TBATA: variants seen among roughly 807,000 people sequenced by gnomAD.
TBATA encodes protein TBATA.
In TBATA, 47 loss-of-function variants were observed where a neutral mutation model predicts 38.7. The observed-to-expected ratio is 1.21, with a 90% CI of 0.96 to 1.55. The LOEUF is 1.55. Ranked by LOEUF, TBATA falls within the 40% of genes most tolerant of loss-of-function variation. The pLI is 0.00. For missense variants in TBATA, 436 were observed against 435.6 expected, an observed-to-expected ratio of 1.00 and a Z score of -0.01; for synonymous variants, 183 against 170.5, an observed-to-expected ratio of 1.07 and a Z score of -0.57.
rs766190487 is a variant in TBATA, at chr10:70,771,286, C to T, written c.*90G>A. 2 of 1,612,166 alleles carry T rather than the reference C, an allele frequency of 1.2e-6. No individual in the cohort carries two copies. The highest frequency in any genetic ancestry group is 1.7e-6 in the Non-Finnish European group (2 of 1,178,820). ...AGTAAGAGTTTTCACGGTAGGGAAT[C>T]AGGTACTGCTGTGAAGGTGGTGGAG... is the stretch of plus-strand genomic sequence containing the variant. On this transcript the variant is annotated 3_prime_UTR_variant, in exon 11 of 11. Transcript: ENST00000456372.
chr10:70,772,304 A>C, intron 10 of TBATA: 1 of 711,146 alleles, frequency 1.4e-6, no homozygotes, highest in South Asian at 1.5e-5. Flanking sequence ...ACTTGTCTGA[A>C]TTCTTCCTCA....
intron 9 of TBATA, among the ~76,000 whole-genome samples, chr10:70,773,317 T>G (rs1842969338): frequency 6.6e-6 from 1 of 152,146 alleles, no homozygotes; most frequent in Admixed American, 6.5e-5. Flanking sequence ...GTTGTATACC[T>G]TCCTGACTTC....
intron 9 of TBATA, 108 bp downstream of exon 9, chr10:70,774,105 T>A: frequency 7.0e-7 from 1 of 1,438,474 alleles, no homozygotes. Flanking sequence ...AGGACAGACT[T>A]AGTCAGCCCA....
At chr10:70,771,983 C>A (rs1217157006) in intron 10 of TBATA, among the ~76,000 whole-genome samples, 1 of 152,182 alleles carries the variant, frequency 6.6e-6, no homozygotes, top group Non-Finnish European at 1.5e-5. Context: ...GCCAGCTCCT[C>A]CCACCTGTCT....
chr10:70,779,246 C>G (rs953078505), intron 5 of TBATA, among the ~76,000 whole-genome samples: 4 of 152,214 alleles, frequency 2.6e-5, no homozygotes, highest in Non-Finnish European at 4.4e-5. Context: ...TTCTGGTTGG[C>G]CAATGCCTGA....
At position 70,779,609 on chromosome 10, in the gene TBATA, G is replaced by T. The variant is rs1843883084; in HGVS notation, c.411C>A (p.Asn137Lys). The change falls in exon 5 of 11, where the codon AAC becomes AAA. Residue 137 changes from asparagine (N) to lysine (K), a missense_variant. Transcript: ENST00000456372. ...VPIGDPQSNR[N>K]PQLSSEAWKK... Reference sequence around the variant, plus strand: ...AGTACCCACCAGAAGAAAGCTGGGGGTTCCGATTAGACTGTGGGTCTCCAA... The same window carrying T: ...AGTACCCACCAGAAGAAAGCTGGGGTTTCCGATTAGACTGTGGGTCTCCAA... 7 of 1,508,888 alleles carry T rather than the reference G, an allele frequency of 4.6e-6. No homozygotes were observed. In the East Asian group the frequency reaches 1.1e-4, roughly 23 times the overall value. 93.5% of individuals were successfully genotyped at this position (1,508,888 alleles called of 1,614,324 possible). A position where few individuals can be genotyped will look rare whatever the true frequency, so the allele number is the denominator to read the frequency against.
intron 7 of TBATA, among the ~76,000 whole-genome samples, chr10:70,775,891 C>G (rs1158007205): frequency 6.6e-6 from 1 of 152,230 alleles, no homozygotes; most frequent in East Asian, 1.9e-4. Flanking sequence ...TGCTTGGCTC[C>G]TTGCTGCATC....
rs773945036 is a variant in TBATA, at chr10:70,775,300, CAGGAGTACAGGCA to C, written c.694-43_694-31del. The C allele has an allele frequency of 7.0e-5, 111 of 1,591,518 alleles. 1 individual carries two copies. The South Asian group carries it at 1.2e-3, about 17-fold the overall frequency. ...GGGCAGGAGGCCAGCACATTCCAGC[CAGGAGTACAGGCA>C]AGGAGTACAGGCAAATGTAGGTTTG... On this transcript the variant is annotated intron_variant, in intron 7 of 10. Coordinates refer to ENST00000456372, the MANE Select transcript of TBATA (RefSeq NM_001318241.2).
At position 70,772,529 on chromosome 10, in the gene TBATA, T is replaced by C. The variant is rs779596620; in HGVS notation, c.958A>G (p.Lys320Glu). The C allele has an allele frequency of 3.7e-6, 6 of 1,614,164 alleles. No individual in the cohort carries two copies. The South Asian group carries it at 6.6e-5, about 18-fold the overall frequency. The change falls in exon 10 of 11, where the codon AAA becomes GAA. Residue 320 changes from lysine to glutamate, a missense_variant. Transcript: ENST00000456372. ...PKKTKISPFT[K>E]SEKPEYIGEA... ...GGAATCTTACCTGGTTTTTCGCTTT[T>C]TGTAAAAGGTGATATCTTCGTTTTC...
At chr10:70,781,047 C>T (rs1844143282) in intron 4 of TBATA, among the ~76,000 whole-genome samples, 1 of 152,186 alleles carries the variant, frequency 6.6e-6, no homozygotes, top group Non-Finnish European at 1.5e-5. Context: ...AAATGCCTAC[C>T]TGATCTGGGC....
chr10:70,778,376 T>G (rs1000949303), intron 6 of TBATA, among the ~76,000 whole-genome samples, 181 bp downstream of exon 6: 1 of 152,126 alleles, frequency 6.6e-6, no homozygotes, highest in Non-Finnish European at 1.5e-5. Flanking sequence ...CTAAAACCCC[T>G]GCTTGGATTT....
At chr10:70,775,804 G>A (rs1387430745) in intron 7 of TBATA, among the ~76,000 whole-genome samples, 2 of 152,218 alleles carry the variant, frequency 1.3e-5, no homozygotes, top group African/African-American at 2.4e-5. Flanking sequence ...AAGCCCAGAG[G>A]GCAGCCTGAG....
intron 3 of TBATA, 25 bp from the exon 4 acceptor site, chr10:70,782,061 G>A (rs374082577): frequency 6.2e-6 from 10 of 1,608,628 alleles, no homozygotes; most frequent in Non-Finnish European, 7.7e-6. Context: ...TTCAGGAGAA[G>A]CTAATGGAGT....
chr10:70,781,692 C>T (rs1181585619), intron 4 of TBATA, 109 bp downstream of exon 4: 2 of 1,089,770 alleles, frequency 1.8e-6, no homozygotes, highest in East Asian at 5.1e-5. Context: ...GGACCCCATC[C>T]TCTCTGGGCC....
At chr10:70,775,430 C>T (rs1843272436) in intron 7 of TBATA, among the ~76,000 whole-genome samples, 160 bp from the exon 8 acceptor site, 1 of 152,210 alleles carries the variant, frequency 6.6e-6, no homozygotes, top group Non-Finnish European at 1.5e-5. Context: ...GCCTTTTCCT[C>T]CACATTGGGC....
At chr10:70,779,228 G>A (rs1843823326) in intron 5 of TBATA, among the ~76,000 whole-genome samples, 1 of 152,224 alleles carries the variant, frequency 6.6e-6, no homozygotes, top group South Asian at 2.1e-4. Context: ...CAGCACTGTG[G>A]CTGATTGTTC....
In TBATA at chr10:70,773,032, C is replaced by T. The variant is rs533821450; in HGVS notation, c.921-466G>A. Among the ~76,000 whole-genome samples, 7 of 152,208 alleles carry T rather than the reference C, an allele frequency of 4.6e-5. No individual in the cohort carries two copies. The East Asian group carries it at 7.7e-4, about 17-fold the overall frequency. On this transcript the variant is annotated intron_variant, in intron 9 of 10. Transcript: ENST00000456372. ...ATCTCCCCATGCCTTTTTATGTGCC[C>T]GATGTTATTTTCCCTCCCTACGACT...
chr10:70,774,963 A>G (rs1319025931), intron 8 of TBATA, among the ~76,000 whole-genome samples: 1 of 152,170 alleles, frequency 6.6e-6, no homozygotes, highest in Non-Finnish European at 1.5e-5. Flanking sequence ...GGTCCCCTCC[A>G]AGGAGCAGGG....
chr10:70,778,556 C>T lies in TBATA; in HGVS notation c.507+1G>A. On this transcript the variant is annotated splice_donor_variant, in intron 6 of 10. Transcript: ENST00000456372. LOFTEE classifies it high-confidence loss of function. ...GACTAGCTCCTGTGTTCCGCACCCA[C>T]CTCTTTCTTCTTCAGTTCATCCTCC... is the stretch of plus-strand genomic sequence containing the variant. The T allele has an allele frequency of 1.2e-6, 2 of 1,614,052 alleles. No homozygotes were observed. The highest frequency in any genetic ancestry group is 2.2e-5 in the South Asian group (2 of 91,070).
Sources: allele counts gnomAD v4.1 joint callset (sites outside exome capture counted in the v4.1 genomes callset), GRCh38; gene constraint gnomAD v4.1.1; transcripts MANE v1.5; gene names NCBI Gene and HGNC (gene_info 2026-07-23, HGNC 2026-07-21).